FBXW11: variants seen among roughly 807,000 people sequenced by gnomAD.
The protein encoded by FBXW11 is F-box/WD repeat-containing protein 11.
A neutral mutation model predicts 77.6 loss-of-function variants in FBXW11; 19 were observed. The ratio of observed to expected loss-of-function variants is 0.24; its 90% confidence interval spans 0.17 to 0.36. FBXW11 has a LOEUF of 0.36. Among genes scored for constraint, FBXW11 ranks in the 10% least tolerant of loss-of-function variants. FBXW11 has a pLI of 1.00. For missense variants in FBXW11, 334 were observed against 704.2 expected (o/e 0.47, Z 5.95); for synonymous variants, 235 against 249.4 (o/e 0.94, Z 0.54).
rs1304803351 is a variant in FBXW11 at position 171,957,614 on chromosome 5, T to C, written c.130A>G (p.Ser44Gly). Residue 44 changes from serine to glycine, a missense_variant, in exon 2 of 14, where the codon AGT (serine) becomes GGT (glycine). By Grantham distance (56) the Ser-to-Gly change is moderately conservative (BLOSUM62 0). This residue lies in a region of FBXW11 where 80 missense variants were observed against 105.1 expected (regional missense o/e 0.76). Coordinates refer to ENST00000517395, the MANE Select transcript of FBXW11 (RefSeq NM_001378974.1). ...CALSCLQSMP[S>G]VRCLQNTSVM... ...AGAGGCACCTGGAGACATCTGACAC[T>C]GGGCATGCTCTGCAGGCAACTCAGT... 3.7e-6 allele frequency: 6 copies of C among 1,614,076 alleles called. No homozygotes were observed. Among genetic ancestry groups the C allele is most frequent in the South Asian group, 2.2e-5 (2 of 91,090 alleles).
chr5:171,924,079 G>A (rs907776160), intron 2 of FBXW11, among the ~76,000 whole-genome samples: 5 of 151,284 alleles, frequency 3.3e-5, no homozygotes, highest in African/African-American at 1.2e-4. Flanking sequence ...CACCCGCCAC[G>A]ACACCCAACT....
chr5:171,981,380 C>A (rs769696141), intron 1 of FBXW11, among the ~76,000 whole-genome samples: 4 of 152,114 alleles, frequency 2.6e-5, no homozygotes, highest in Non-Finnish European at 5.9e-5. Flanking sequence ...GTTCTGTGAG[C>A]CTTTACAGCA....
chr5:171,994,352 C>A (rs1275274872), intron 1 of FBXW11, among the ~76,000 whole-genome samples: 1 of 152,114 alleles, frequency 6.6e-6, no homozygotes, highest in Non-Finnish European at 1.5e-5. Flanking sequence ...ATGGTACCTA[C>A]CTCATTAGGT....
intron 3 of FBXW11, among the ~76,000 whole-genome samples, chr5:171,912,218 G>C (rs1760923705): frequency 1.3e-5 from 2 of 152,302 alleles, no homozygotes; most frequent in East Asian, 3.9e-4. Flanking sequence ...AGAGGTATGA[G>C]ATGGGAAGGC....
At chr5:171,959,172 G>A (rs1227211317) in intron 1 of FBXW11, among the ~76,000 whole-genome samples, 4 of 151,778 alleles carry the variant, frequency 2.6e-5, no homozygotes, top group Admixed American at 2.6e-4. Flanking sequence ...AAATTGAGCA[G>A]CTTTCTGGTA....
At position 171,914,405 on chromosome 5, in the gene FBXW11, T is replaced by A; in HGVS notation, c.148A>T (p.Asn50Tyr). 1 of 1,581,230 alleles carries A rather than the reference T, an allele frequency of 6.3e-7. No individual in the cohort carries two copies. Among genetic ancestry groups the A allele is most frequent in the Non-Finnish European group, 8.5e-7 (1 of 1,170,236 alleles). ...TTTTGATCTTCCATAACTGAAGTGT[T>A]CTAGGGGGGGAAAAACAGGTTATTT... ...QSMPSVRCLQ[N>Y]TSVMEDQNED... The change falls in exon 3 of 14, where the codon AAC becomes TAC. Residue 50 changes from asparagine to tyrosine, a missense_variant and splice_region_variant. Around this residue, in one of 10 missense-constraint regions of FBXW11, gnomAD observed 80 missense variants for 105.1 expected, o/e 0.76. Coordinates refer to ENST00000517395, the MANE Select transcript of FBXW11 (RefSeq NM_001378974.1).
At chr5:171,868,186 T>G (rs1296298679) in intron 13 of FBXW11, 1 of 151,808 alleles carries the variant, frequency 6.6e-6, no homozygotes, top group African/African-American at 2.4e-5. Context: ...ATTGTGGTAG[T>G]GGGGAAGAGA....
intron 3 of FBXW11, among the ~76,000 whole-genome samples, chr5:171,913,258 C>T (rs1760996115): frequency 6.6e-6 from 1 of 152,142 alleles, no homozygotes; most frequent in South Asian, 2.1e-4. Flanking sequence ...ATTTGATAAA[C>T]AAAAGTGTTA....
At chr5:171,873,395 A>G (rs928265127) in intron 9 of FBXW11, among the ~76,000 whole-genome samples, 2 of 152,208 alleles carry the variant, frequency 1.3e-5, no homozygotes, top group Admixed American at 1.3e-4. Context: ...ACCTAATCCT[A>G]GCACTTTGGG....
chr5:171,877,622 A>T (rs7712635), intron 8 of FBXW11, among the ~76,000 whole-genome samples: 2 of 151,986 alleles, frequency 1.3e-5, no homozygotes, highest in Non-Finnish European at 2.9e-5. Context: ...CACTGAGTCC[A>T]GGAGAGGATA....
chr5:171,995,479 C>A (rs188712074), intron 1 of FBXW11, among the ~76,000 whole-genome samples: 1 of 152,082 alleles, frequency 6.6e-6, no homozygotes, highest in African/African-American at 2.4e-5. Context: ...ATGGGCCAGG[C>A]GTGATGGCTC....
At chr5:171,868,209 GT>G in intron 13 of FBXW11, 1 of 150,498 alleles carries the variant, frequency 6.6e-6, no homozygotes, top group Non-Finnish European at 1.5e-5. Context: ...GATTTTGAAT[GT>G]TTTGTCAGAT....
rs1335398790 is a variant in FBXW11 at position 171,876,291 on chromosome 5, G to C, written c.1215C>G (p.Thr405=). 13 of 1,614,026 alleles carry C rather than the reference G, an allele frequency of 8.1e-6. No individual in the cohort carries two copies. Among genetic ancestry groups the C allele is most frequent in the Non-Finnish European group, 6.8e-6 (8 of 1,180,022 alleles). ...KYIVSASGDR[T]IKVWSTSTCE... The stretch of plus-strand genomic sequence containing the variant: ...TGACTGCAGACATACTTACTTTGAT[G>C]GTCCTGTCACCAGAGGCAGACACGA... The change falls in exon 9 of 14, where the codon ACC becomes ACG. Residue 405 remains threonine (T), a synonymous_variant. Coordinates refer to ENST00000517395, the MANE Select transcript of FBXW11 (RefSeq NM_001378974.1). This position sits in a 1 kb window ranked among gnomAD's most constrained non-coding sequence, Gnocchi z 4.2.
chr5:171,913,806 ACCACACACACAT>A (rs1180247615), intron 3 of FBXW11, among the ~76,000 whole-genome samples: 3 of 80,750 alleles, frequency 3.7e-5, no homozygotes, highest in Non-Finnish European at 8.1e-5. Flanking sequence ...CAAACCCCCA[ACCACACACACAT>A]ACACACACAC....
chr5:171,940,896 A>AAAG (rs61507680), intron 2 of FBXW11, among the ~76,000 whole-genome samples: 137,889 of 149,866 alleles, frequency 0.92, 63,547 homozygotes, highest in East Asian at 1. Context: ...AAAAAAAAAA[A>AAAG]GATACAGACG....
In FBXW11 at chr5:171,961,842, T is replaced by G. The variant is rs573142014; in HGVS notation, c.46-4144A>C. ...TTGTATTTTTAGTAGAGACGGGGTT[T>G]CACCATGTTGGCCAGGCTGGTCTTG... On this transcript the variant is annotated intron_variant, in intron 1 of 13. Coordinates refer to ENST00000517395, the MANE Select transcript of FBXW11 (RefSeq NM_001378974.1). Among the ~76,000 whole-genome samples the G allele has an allele frequency of 2.0e-5, 3 of 152,316 alleles. No individual in the cohort carries two copies. In the South Asian group the frequency reaches 6.2e-4, roughly 32 times the overall value.
chr5:171,873,302 T>G (rs1334032731), intron 9 of FBXW11, among the ~76,000 whole-genome samples: 1 of 152,134 alleles, frequency 6.6e-6, no homozygotes, highest in Non-Finnish European at 1.5e-5. Context: ...TGGGCCAGAT[T>G]TTATGTTTTT....
intron 1 of FBXW11, among the ~76,000 whole-genome samples, chr5:171,974,038 A>C (rs908385365): frequency 2.9e-4 from 44 of 152,132 alleles, no homozygotes; most frequent in African/African-American, 1.1e-3. Context: ...AAGAGGGGAG[A>C]TTAGAGCAAT....
At chr5:171,867,901 G>T (rs1044555376) in intron 13 of FBXW11, 3 of 152,134 alleles carry the variant, frequency 2.0e-5, no homozygotes, top group African/African-American at 7.2e-5. Context: ...CTGGCCCTCA[G>T]CAGAACACAG....
Sources: allele counts gnomAD v4.1 joint callset (sites outside exome capture counted in the v4.1 genomes callset), GRCh38; gene constraint gnomAD v4.1.1; regional missense constraint gnomAD v4.1.1; non-coding constraint Gnocchi (gnomAD v3.1); transcripts MANE v1.5; gene names NCBI Gene and HGNC (gene_info 2026-07-23, HGNC 2026-07-21).